Variants in SUCLG2 observed in about 807,000 individuals in gnomAD.
The protein encoded by SUCLG2 is succinate--CoA ligase [GDP-forming] subunit beta, mitochondrial.
SUCLG2 carries 42 observed loss-of-function variants against 47.9 expected under a neutral mutation model. That is an observed-to-expected ratio of 0.88 (90% CI 0.69 to 1.14). The LOEUF is 1.14. Among genes scored for constraint, SUCLG2 ranks in the 50% most tolerant of loss-of-function variants. The pLI is 0.00. For missense variants in SUCLG2, 571 were observed against 525.9 expected (o/e 1.09, Z -0.84); for synonymous variants, 195 against 197.3 (o/e 0.99, Z 0.10).
At chr3:67,444,011 G>A (rs1352047748) in intron 9 of SUCLG2, among the ~76,000 whole-genome samples, 42 of 118,770 alleles carry the variant, frequency 3.5e-4, no homozygotes, top group East Asian at 2.0e-3. Flanking sequence ...GGAGGGAGGT[G>A]GGGGGGTCAG....
intron 10 of SUCLG2, among the ~76,000 whole-genome samples, chr3:67,387,397 A>C (rs186646302): frequency 2.8e-3 from 425 of 152,310 alleles, no homozygotes; most frequent in African/African-American, 9.6e-3. Flanking sequence ...TAAAGGGGGA[A>C]AGGTCTCTAT....
At chr3:67,571,069 T>C (rs1390545523) in intron 2 of SUCLG2, among the ~76,000 whole-genome samples, 28 of 152,294 alleles carry the variant, frequency 1.8e-4, no homozygotes, top group Non-Finnish European at 3.8e-4. Flanking sequence ...GTATCTACCC[T>C]AAACAGAGTT....
intron 10 of SUCLG2, among the ~76,000 whole-genome samples, chr3:67,388,757 C>T (rs1200461883): frequency 1.3e-5 from 2 of 152,086 alleles, no homozygotes; most frequent in Non-Finnish European, 2.9e-5. Flanking sequence ...TTGGCATAAC[C>T]CACTTTTATG....
chr3:67,615,458 C>T (rs1311336841), intron 1 of SUCLG2, among the ~76,000 whole-genome samples: 1 of 152,052 alleles, frequency 6.6e-6, no homozygotes, highest in Non-Finnish European at 1.5e-5. Context: ...TTCTTCAGCT[C>T]GACTTTGCAC....
At chr3:67,369,023 C>A (rs1249358688) in intron 10 of SUCLG2, among the ~76,000 whole-genome samples, 1 of 152,146 alleles carries the variant, frequency 6.6e-6, no homozygotes, top group Non-Finnish European at 1.5e-5. Flanking sequence ...AAACTCTTCA[C>A]TGAGGGTGGG....
At chr3:67,622,781 AG>A (rs1208405281) in intron 1 of SUCLG2, among the ~76,000 whole-genome samples, 3 of 152,240 alleles carry the variant, frequency 2.0e-5, no homozygotes, top group African/African-American at 7.2e-5. Context: ...ACAGGCCAAA[AG>A]TCCATGTGAC....
At chr3:67,503,084 T>A (rs1283904174) in intron 7 of SUCLG2, among the ~76,000 whole-genome samples, 1 of 152,170 alleles carries the variant, frequency 6.6e-6, no homozygotes, top group African/African-American at 2.4e-5. Flanking sequence ...ATATTGCCTA[T>A]GGCTGCCTTC....
At chr3:67,438,210 C>G (rs1703670803) in intron 9 of SUCLG2, among the ~76,000 whole-genome samples, 1 of 152,186 alleles carries the variant, frequency 6.6e-6, no homozygotes, top group African/African-American at 2.4e-5. Context: ...GTACCAGAAT[C>G]TTTGGGACAC....
chr3:67,550,899 C>T (rs139691352), intron 2 of SUCLG2, among the ~76,000 whole-genome samples: 6 of 144,788 alleles, frequency 4.1e-5, no homozygotes, highest in East Asian at 4.3e-4. Flanking sequence ...GAGTATTAAA[C>T]GGGGGGTGGG....
intron 9 of SUCLG2, among the ~76,000 whole-genome samples, chr3:67,449,828 G>T (rs983117860): frequency 6.6e-6 from 1 of 152,034 alleles, no homozygotes; most frequent in Non-Finnish European, 1.5e-5. Context: ...TGGCCAGGCT[G>T]ATCTTGAACT....
intron 2 of SUCLG2, among the ~76,000 whole-genome samples, chr3:67,568,470 T>C (rs1006010793): frequency 2.6e-5 from 4 of 152,224 alleles, no homozygotes; most frequent in African/African-American, 9.6e-5. Context: ...ATGTTTTCCA[T>C]CCTGGTCTTA....
intron 2 of SUCLG2, among the ~76,000 whole-genome samples, chr3:67,551,109 A>G (rs1029108006): frequency 2.0e-5 from 3 of 152,156 alleles, no homozygotes; most frequent in Non-Finnish European, 4.4e-5. Context: ...CACGTCTTGT[A>G]TTTTTTGCAA....
At chr3:67,569,321 T>G (rs553292869) in intron 2 of SUCLG2, among the ~76,000 whole-genome samples, 12 of 152,354 alleles carry the variant, frequency 7.9e-5, no homozygotes, top group Middle Eastern at 3.4e-3. Context: ...TCTCCCCAAG[T>G]AGACTGTAAC....
intron 6 of SUCLG2, 120 bp downstream of exon 6, chr3:67,518,127 A>C (rs1705996669): frequency 1.1e-6 from 1 of 882,900 alleles, no homozygotes; most frequent in Non-Finnish European, 1.8e-6. Context: ...TGGAGGAAAA[A>C]ATTATAAAAC....
intron 1 of SUCLG2, among the ~76,000 whole-genome samples, chr3:67,625,576 AG>A (rs1289480674): frequency 6.6e-6 from 1 of 152,128 alleles, no homozygotes; most frequent in Non-Finnish European, 1.5e-5. Flanking sequence ...TTGCCTCTAA[AG>A]GAGGACAGTC....
chr3:67,499,944 G>A (rs560020625), intron 7 of SUCLG2, among the ~76,000 whole-genome samples: 1 of 152,194 alleles, frequency 6.6e-6, no homozygotes, highest in Non-Finnish European at 1.5e-5. Context: ...TGTTAGCCAG[G>A]ATGGTCTCGA....
intron 1 of SUCLG2, among the ~76,000 whole-genome samples, chr3:67,623,361 C>T (rs182856699): frequency 4.6e-5 from 7 of 151,994 alleles, no homozygotes; most frequent in African/African-American, 9.7e-5. Context: ...ATTAGCTGGG[C>T]GTGATGGCGG....
At chr3:67,644,730 AT>A (rs1341778478) in intron 1 of SUCLG2, among the ~76,000 whole-genome samples, 8 of 152,082 alleles carry the variant, frequency 5.3e-5, no homozygotes, top group Admixed American at 2.6e-4. Flanking sequence ...ACACATTCAT[AT>A]TTTTTAGTAT....
chr3:67,575,358 G>T (rs1397670809), intron 2 of SUCLG2, among the ~76,000 whole-genome samples: 1 of 152,142 alleles, frequency 6.6e-6, no homozygotes, highest in East Asian at 1.9e-4. Flanking sequence ...CATTACAAAA[G>T]AAATAACTCT....
Sources: allele counts gnomAD v4.1 joint callset (sites outside exome capture counted in the v4.1 genomes callset), GRCh38; gene constraint gnomAD v4.1.1; transcripts MANE v1.5; gene names NCBI Gene and HGNC (gene_info 2026-07-23, HGNC 2026-07-21).